Variants in ENPP6 observed in about 807,000 individuals in gnomAD.
The protein encoded by ENPP6 is glycerophosphocholine cholinephosphodiesterase ENPP6.
In ENPP6, 32 loss-of-function variants were observed where a neutral mutation model predicts 42.0. The observed-to-expected ratio is 0.76, with a 90% CI of 0.58 to 1.02. The LOEUF is 1.02. Ranked by LOEUF, ENPP6 falls within the 50% of genes least tolerant of loss-of-function variation. The probability of loss-of-function intolerance (pLI) is 0.00; values close to 1 mark genes in which losing one functional copy is unlikely to be tolerated. For missense variants in ENPP6, 552 were observed against 566.8 expected (o/e 0.97, Z 0.27); for synonymous variants, 213 against 216.0 (o/e 0.99, Z 0.12).
chr4:184,123,875 AT>A (rs1303217203), intron 3 of ENPP6, among the ~76,000 whole-genome samples: 1 of 152,208 alleles, frequency 6.6e-6, no homozygotes, highest in Non-Finnish European at 1.5e-5. Context: ...GCTTAGGGAA[AT>A]GATGACATTT....
At position 184,184,155 on chromosome 4, in the gene ENPP6, C is replaced by T. The variant is rs1473011584; in HGVS notation, c.242-30422G>A. Among the ~76,000 whole-genome samples, 5 of 152,242 alleles carry T rather than the reference C, an allele frequency of 3.3e-5. No individual in the cohort carries two copies. Among genetic ancestry groups the T allele is most frequent in the East Asian group, 1.9e-4 (1 of 5,186 alleles). On this transcript the variant is annotated intron_variant, in intron 1 of 7. Transcript: ENST00000296741. This position sits in a 1 kb window ranked among gnomAD's most constrained non-coding sequence, Gnocchi z 4.7. ...GAGATGTTAGAGTGTGAGTGAACAG[C>T]GGTAAGTTTTATCTTAACTACCGCA...
chr4:184,152,406 GC>G (rs1000561524), intron 2 of ENPP6, among the ~76,000 whole-genome samples: 1 of 146,844 alleles, frequency 6.8e-6, no homozygotes, highest in Non-Finnish European at 1.5e-5. Context: ...ACAACCCACC[GC>G]CCACTCACAG....
chr4:184,165,180 C>T (rs1737328319), intron 1 of ENPP6, among the ~76,000 whole-genome samples: 1 of 152,218 alleles, frequency 6.6e-6, no homozygotes, highest in Non-Finnish European at 1.5e-5. Flanking sequence ...TTTCTGGACA[C>T]TTACTGATCA....
intron 7 of ENPP6, among the ~76,000 whole-genome samples, chr4:184,093,880 A>G (rs774775951): frequency 6.6e-6 from 1 of 152,088 alleles, no homozygotes; most frequent in Non-Finnish European, 1.5e-5. Flanking sequence ...TGTGACCTGG[A>G]TGTGATAATT....
At chr4:184,147,561 G>A (rs2111373920) in intron 2 of ENPP6, among the ~76,000 whole-genome samples, 1 of 152,252 alleles carries the variant, frequency 6.6e-6, no homozygotes, top group Non-Finnish European at 1.5e-5. Context: ...TAAGAGGATT[G>A]CTTGAGTACG....
chr4:184,217,854 G>A lies in ENPP6; in HGVS notation c.-35C>T, dbSNP rs776878219. 1.2e-6 allele frequency: 2 copies of A among 1,604,208 alleles called. No individual in the cohort carries two copies. The highest frequency in any genetic ancestry group is 1.7e-6 in the Non-Finnish European group (2 of 1,175,820). ...AGCCTGCCAGAGCCCGGCTGGCACA[G>A]CTGTCGCCTTGCAAAGACTGAGGAT... is the stretch of plus-strand genomic sequence containing the variant. On this transcript the variant is annotated 5_prime_UTR_variant, in exon 1 of 8. Transcript: ENST00000296741.
In ENPP6 at chr4:184,116,927, T is replaced by G. The variant is rs755346934; in HGVS notation, c.784A>C (p.Asn262His). The G allele has an allele frequency of 6.2e-7, 1 of 1,614,168 alleles. No homozygotes were observed. Among genetic ancestry groups the G allele is most frequent in the South Asian group, 1.1e-5 (1 of 91,076 alleles). The change falls in exon 5 of 8, where the codon AAT (asparagine) becomes CAT (histidine). Residue 262 changes from asparagine (N) to histidine (H), a missense_variant. Asn to His is a moderately conservative substitution (Grantham distance 68). Transcript: ENST00000296741. Reference protein sequence around the residue: ...VIELNKYISLNDLQQVKDRGP... With the variant: ...VIELNKYISLHDLQQVKDRGP... ...CGGTCCTTCACTTGCTGCAGGTCATTCAGGCTGATGTACTTATTCAGCTCA... is the reference window on the plus strand; with the variant it reads ...CGGTCCTTCACTTGCTGCAGGTCATGCAGGCTGATGTACTTATTCAGCTCA...
intron 6 of ENPP6, among the ~76,000 whole-genome samples, chr4:184,104,326 T>G (rs1486836789): frequency 6.6e-6 from 1 of 152,246 alleles, no homozygotes; most frequent in Non-Finnish European, 1.5e-5. Context: ...GTTTTCAAAA[T>G]AAGTCTTTCC....
chr4:184,191,610 G>C (rs1179546151), intron 1 of ENPP6, among the ~76,000 whole-genome samples: 3 of 152,156 alleles, frequency 2.0e-5, no homozygotes, highest in African/African-American at 4.8e-5. Context: ...CTCAGGCAAG[G>C]CACTTAACTT....
In ENPP6 at chr4:184,116,921, G is replaced by C; in HGVS notation, c.790C>G (p.Leu264Val). 6.2e-7 allele frequency: 1 copy of C among 1,614,222 alleles called. No homozygotes were observed. Among genetic ancestry groups the C allele is most frequent in the Non-Finnish European group, 8.5e-7 (1 of 1,180,040 alleles). The change falls in exon 5 of 8, where the codon CTG (leucine) becomes GTG (valine). Residue 264 changes from leucine to valine, a missense_variant. Physicochemically the swap from Leu to Val is conservative, Grantham distance 32. This residue lies in a region of ENPP6 where 545 missense variants were observed against 546.3 expected (regional missense o/e 1.00). Coordinates refer to ENST00000296741, the MANE Select transcript of ENPP6 (RefSeq NM_153343.4). ...ELNKYISLND[L>V]QQVKDRGPVV... ...GGCCCGCGGTCCTTCACTTGCTGCA[G>C]GTCATTCAGGCTGATGTACTTATTC...
At chr4:184,199,623 G>T (rs937754720) in intron 1 of ENPP6, among the ~76,000 whole-genome samples, 8 of 152,186 alleles carry the variant, frequency 5.3e-5, no homozygotes, top group African/African-American at 1.9e-4. Flanking sequence ...GGCAAATTCT[G>T]TGGGTGTCTC....
At position 184,135,187 on chromosome 4, in the gene ENPP6, TC is replaced by T. The variant is rs1736713165; in HGVS notation, c.422-10916del. 3.3e-5 allele frequency among the ~76,000 whole-genome samples: 5 copies of T among 152,258 alleles called. No individual in the cohort carries two copies. In the South Asian group the frequency reaches 1.0e-3, roughly 32 times the overall value. On this transcript the variant is annotated intron_variant, in intron 2 of 7. Coordinates refer to ENST00000296741, the MANE Select transcript of ENPP6 (RefSeq NM_153343.4). Reference sequence around the variant, plus strand: ...TTCATTCAGCAGCTAGGTGCAGAGTTCTAGTAAATTCAATCAGGTAAAAATG... The same window carrying T: ...TTCATTCAGCAGCTAGGTGCAGAGTTTAGTAAATTCAATCAGGTAAAAATG...
chr4:184,158,335 C>T (rs1336207819), intron 1 of ENPP6, among the ~76,000 whole-genome samples: 1 of 152,074 alleles, frequency 6.6e-6, no homozygotes, highest in East Asian at 1.9e-4. Flanking sequence ...CATCCCTTTG[C>T]ATGGCAGTGT....
chr4:184,193,863 A>G (rs932751914), intron 1 of ENPP6, among the ~76,000 whole-genome samples: 1 of 152,134 alleles, frequency 6.6e-6, no homozygotes, highest in Admixed American at 6.5e-5. Context: ...TGAGGTACAA[A>G]TCCCCTAACC....
rs1032410442 is a variant in ENPP6 at position 184,116,721 on chromosome 4, G to A, written c.855+135C>T. ...GCACTCCAGCCTGGGCAATAAAAGT[G>A]AAACTCTGCCTCAAAAAAAGAAACA... On this transcript the variant is annotated intron_variant, in intron 5 of 7. Coordinates refer to ENST00000296741, the MANE Select transcript of ENPP6 (RefSeq NM_153343.4). 8 of 1,252,514 alleles carry A rather than the reference G, an allele frequency of 6.4e-6. No homozygotes were observed. The African/African-American group carries it at 9.0e-5, about 14-fold the overall frequency. The allele number at this position is 1,252,514 out of a possible 1,614,324, so 77.6% of individuals were successfully genotyped here.
intron 5 of ENPP6, among the ~76,000 whole-genome samples, chr4:184,115,602 G>T (rs1457957543): frequency 1.3e-5 from 2 of 152,112 alleles, no homozygotes; most frequent in Non-Finnish European, 2.9e-5. Flanking sequence ...CCTTGCAGTG[G>T]GCTCAGCGTG....
At chr4:184,202,595 C>T (rs1182530915) in intron 1 of ENPP6, among the ~76,000 whole-genome samples, 1 of 152,214 alleles carries the variant, frequency 6.6e-6, no homozygotes, top group Non-Finnish European at 1.5e-5. Context: ...ACTTCTCCTC[C>T]TTTGCCCAAA....
intron 2 of ENPP6, among the ~76,000 whole-genome samples, chr4:184,130,215 A>C (rs1736571883): frequency 6.6e-6 from 1 of 152,124 alleles, no homozygotes; most frequent in African/African-American, 2.4e-5. Context: ...ACTATAGGGC[A>C]ACAAGCATGA....
intron 1 of ENPP6, among the ~76,000 whole-genome samples, chr4:184,204,400 A>C (rs1260603177): frequency 3.3e-5 from 5 of 152,310 alleles, no homozygotes; most frequent in African/African-American, 1.2e-4. Context: ...GTGGCCGTGC[A>C]AGTCCCTTTA....
Sources: gnomAD v4.1 joint callset for allele counts (sites outside exome capture counted in the v4.1 genomes callset) on GRCh38, gnomAD v4.1.1 for gene constraint, gnomAD v4.1.1 regional missense constraint, Gnocchi (gnomAD v3.1) non-coding constraint, MANE v1.5 for transcripts, NCBI Gene and HGNC (gene_info 2026-07-23, HGNC 2026-07-21) for gene names.